EYA2: variants seen among roughly 807,000 people sequenced by gnomAD.
EYA2 encodes the protein protein phosphatase EYA2.
In EYA2, 31 loss-of-function variants were observed where a neutral mutation model predicts 69.2. The observed-to-expected ratio is 0.45, with a 90% CI of 0.34 to 0.60. The LOEUF is 0.60. Among genes scored for constraint, EYA2 ranks in the 20% least tolerant of loss-of-function variants. The probability of loss-of-function intolerance (pLI) is 0.02; values close to 1 mark genes in which losing one functional copy is unlikely to be tolerated. For missense variants in EYA2, 622 were observed against 701.2 expected (o/e 0.89, Z 1.28); for synonymous variants, 257 against 279.4 (o/e 0.92, Z 0.80).
At position 46,941,778 on chromosome 20, in the gene EYA2, A is replaced by G. The variant is rs1249311139; in HGVS notation, c.-11+46791A>G. On this transcript the variant is annotated intron_variant, in intron 1 of 15. Coordinates refer to ENST00000327619, the MANE Select transcript of EYA2 (RefSeq NM_005244.5). ...GTTCTTTTTTCTTTTTTTTTTCTTG[A>G]GACAAAGTCTCACTCTGTGATCCAG... is the stretch of plus-strand genomic sequence containing the variant. Among the ~76,000 whole-genome samples, 2 of 151,132 alleles carry G rather than the reference A, an allele frequency of 1.3e-5. 1 individual carries two copies. Among genetic ancestry groups the G allele is most frequent in the Non-Finnish European group, 2.9e-5 (2 of 67,872 alleles).
chr20:47,172,758 C>A lies in EYA2; in HGVS notation c.1089C>A (p.Asn363Lys). ...DGFHSSAPGANLCLGSGVHGG... is the reference protein window; with the variant it reads ...DGFHSSAPGAKLCLGSGVHGG... The stretch of plus-strand genomic sequence containing the variant: ...TCCACAGTTCGGCCCCAGGAGCCAA[C>A]CTGTGCCTGGGCTCTGGCGTGCACG... The change falls in exon 12 of 16, where the codon AAC becomes AAA. Residue 363 changes from asparagine to lysine, a missense_variant. Coordinates refer to ENST00000327619, the MANE Select transcript of EYA2 (RefSeq NM_005244.5). 1 of 1,614,138 alleles carries A rather than the reference C, an allele frequency of 6.2e-7. No individual in the cohort carries two copies. Among genetic ancestry groups the A allele is most frequent in the Non-Finnish European group, 8.5e-7 (1 of 1,180,016 alleles).
At position 47,161,040 on chromosome 20, in the gene EYA2, G is replaced by A. The variant is rs141850845; in HGVS notation, c.979-8099G>A. On this transcript the variant is annotated intron_variant, in intron 10 of 15. Transcript: ENST00000327619. ...AGGTGGCCTTGGCGAAGTTTCCCAG[G>A]GTGGCAGTGCAGCTGCGGCGTAGCA... The A allele has an allele frequency of 6.8e-3, 1,995 of 294,442 alleles. 57 individuals carry two copies. In the East Asian group the frequency reaches 0.072, roughly 11 times the overall value. The allele number at this position is 294,442 out of a possible 1,614,324, so 18.2% of individuals were successfully genotyped here.
intron 1 of EYA2, among the ~76,000 whole-genome samples, chr20:46,989,431 A>G (rs1419228845): frequency 6.6e-6 from 1 of 152,002 alleles, no homozygotes; most frequent in Non-Finnish European, 1.5e-5. Context: ...ACGCCCAGCT[A>G]ATTTTTATAT....
intron 9 of EYA2, among the ~76,000 whole-genome samples, chr20:47,098,546 T>A (rs2032324423): frequency 6.6e-6 from 1 of 152,198 alleles, no homozygotes; most frequent in South Asian, 2.1e-4. Flanking sequence ...TGTATCTGTG[T>A]CTCACCAACA....
intron 10 of EYA2, among the ~76,000 whole-genome samples, chr20:47,150,449 C>A (rs571803243): frequency 6.6e-6 from 1 of 152,248 alleles, no homozygotes; most frequent in Non-Finnish European, 1.5e-5. Flanking sequence ...ATGCCAGAAG[C>A]CCAGGCACAG....
chr20:46,918,731 G>C (rs1985044203), intron 1 of EYA2, among the ~76,000 whole-genome samples: 1 of 152,146 alleles, frequency 6.6e-6, no homozygotes, highest in Non-Finnish European at 1.5e-5. Context: ...CTCCTCCTGT[G>C]AATCACGAAT....
At chr20:47,108,954 A>C (rs1349821663) in intron 9 of EYA2, among the ~76,000 whole-genome samples, 2 of 152,070 alleles carry the variant, frequency 1.3e-5, no homozygotes, top group African/African-American at 4.8e-5. Context: ...AGGCTACTGC[A>C]CCAGTTTATC....
At chr20:47,156,083 T>C (rs1374366873) in intron 10 of EYA2, among the ~76,000 whole-genome samples, 3 of 40,462 alleles carry the variant, frequency 7.4e-5, no homozygotes, top group Non-Finnish European at 8.6e-5. Flanking sequence ...CACACATATA[T>C]ATACATACAC....
intron 9 of EYA2, among the ~76,000 whole-genome samples, chr20:47,108,588 T>C (rs1205966499): frequency 6.6e-6 from 1 of 152,194 alleles, no homozygotes; most frequent in Non-Finnish European, 1.5e-5. Context: ...TTATTTATTT[T>C]AGAGACAGGG....
chr20:47,011,277 G>C (rs1156878689), intron 4 of EYA2, among the ~76,000 whole-genome samples: 1 of 152,116 alleles, frequency 6.6e-6, no homozygotes, highest in East Asian at 1.9e-4. Context: ...ACAGAGCCAG[G>C]ACAGGAAACG....
At chr20:47,105,710 T>C (rs1476711194) in intron 9 of EYA2, among the ~76,000 whole-genome samples, 2 of 151,504 alleles carry the variant, frequency 1.3e-5, no homozygotes, top group Admixed American at 6.6e-5. Context: ...TTACCTGCCC[T>C]CTCCAACACA....
intron 5 of EYA2, among the ~76,000 whole-genome samples, chr20:47,070,998 G>A (rs1047791442): frequency 4.0e-5 from 6 of 151,444 alleles, no homozygotes; most frequent in South Asian, 2.1e-4. Flanking sequence ...ATAGGCATGC[G>A]CCACCACACC....
At chr20:47,153,586 T>G (rs755980911) in intron 10 of EYA2, among the ~76,000 whole-genome samples, 49 of 151,696 alleles carry the variant, frequency 3.2e-4, no homozygotes, top group Admixed American at 3.9e-4. Flanking sequence ...CCTGGGAGGT[T>G]GAAGCTGCAG....
At chr20:46,976,055 A>G (rs1354892661) in intron 1 of EYA2, among the ~76,000 whole-genome samples, 1 of 152,034 alleles carries the variant, frequency 6.6e-6, no homozygotes, top group African/African-American at 2.4e-5. Flanking sequence ...GGGGAGGCAT[A>G]TTGCTTATGC....
intron 10 of EYA2, among the ~76,000 whole-genome samples, chr20:47,152,744 A>G (rs4514934): frequency 0.018 from 2,733 of 150,280 alleles, 81 homozygotes; most frequent in African/African-American, 0.062. Context: ...CCAGGAGGCA[A>G]TGGTCGCGGT....
In EYA2 at chr20:47,123,615, A is replaced by G. The variant is rs377635954; in HGVS notation, c.889-19444A>G. Among the ~76,000 whole-genome samples the G allele has an allele frequency of 4.6e-5, 7 of 152,336 alleles. No homozygotes were observed. In the East Asian group the frequency reaches 1.3e-3, roughly 29 times the overall value. ...TATTGCAAACCATACATAATAGTATACTTAATTGATATATAAATGTTATAG... is the reference window on the plus strand; with the variant it reads ...TATTGCAAACCATACATAATAGTATGCTTAATTGATATATAAATGTTATAG... On this transcript the variant is annotated intron_variant, in intron 9 of 15. Transcript: ENST00000327619.
chr20:47,175,428 C>G (rs951920431), intron 12 of EYA2, among the ~76,000 whole-genome samples: 12 of 152,172 alleles, frequency 7.9e-5, no homozygotes, highest in African/African-American at 2.4e-4. Context: ...TTTGACCTCC[C>G]TGTGCCTCAG....
chr20:46,988,836 G>A (rs1036049917), intron 1 of EYA2, among the ~76,000 whole-genome samples: 3 of 152,136 alleles, frequency 2.0e-5, no homozygotes, highest in Non-Finnish European at 4.4e-5. Context: ...TTGAGTAGCT[G>A]GGACTACAGG....
intron 9 of EYA2, among the ~76,000 whole-genome samples, chr20:47,107,364 A>C (rs1295039987): frequency 7.3e-6 from 1 of 136,124 alleles, no homozygotes; most frequent in African/African-American, 2.6e-5. Flanking sequence ...ATCTCTACTA[A>C]AAATACAAAA....
Sources: gnomAD v4.1 joint callset for allele counts (sites outside exome capture counted in the v4.1 genomes callset) on GRCh38, gnomAD v4.1.1 for gene constraint, MANE v1.5 for transcripts, NCBI Gene and HGNC (gene_info 2026-07-23, HGNC 2026-07-21) for gene names.